KAZN: variants seen among roughly 807,000 people sequenced by gnomAD.
KAZN encodes the protein kazrin.
A neutral mutation model predicts 87.4 loss-of-function variants in KAZN; 40 were observed. The observed-to-expected ratio is 0.46, with a 90% CI of 0.36 to 0.60. The LOEUF is 0.60. KAZN is among the 20% of genes least tolerant of loss of function. The probability of loss-of-function intolerance (pLI) is 0.00; values close to 1 mark genes in which losing one functional copy is unlikely to be tolerated. For synonymous variants in KAZN, 466 were observed against 458.3 expected, an observed-to-expected ratio of 1.02 and a Z score of -0.22; for missense variants, 898 against 1,073.9, an observed-to-expected ratio of 0.84 and a Z score of 2.29.
At chr1:14,228,977 T>C (rs1217910009) in intron 2 of KAZN, among the ~76,000 whole-genome samples, 1 of 152,206 alleles carries the variant, frequency 6.6e-6, no homozygotes, top group East Asian at 1.9e-4. Context: ...AGCCACACAG[T>C]GGCATGCTAA....
At chr1:14,863,863 A>G (rs576881978) in intron 1 of KAZN, among the ~76,000 whole-genome samples, 31 of 152,312 alleles carry the variant, frequency 2.0e-4, no homozygotes, top group Admixed American at 1.6e-3. Flanking sequence ...GCCAAGGCAC[A>G]GAGATCCAGA....
In KAZN at chr1:14,414,613, CGTGTGT is replaced by C. The variant is rs35972093; in HGVS notation, c.250-184359_250-184354del. Among the ~76,000 whole-genome samples the C allele has an allele frequency of 1.3e-5, 2 of 150,806 alleles. 1 individual carries two copies. Among genetic ancestry groups the C allele is most frequent in the African/African-American group, 4.9e-5 (2 of 41,090 alleles). On this transcript the variant is annotated intron_variant, in intron 2 of 16. Coordinates refer to the KAZN transcript ENST00000636203. ...GTAAAACAATCTTGCATGCACATAC[CGTGTGT>C]GTGTGTGTGTATGTGTGTGTGTGTT...
At chr1:14,832,037 T>C (rs1314598515) in intron 1 of KAZN, among the ~76,000 whole-genome samples, 1 of 151,464 alleles carries the variant, frequency 6.6e-6, no homozygotes, top group Non-Finnish European at 1.5e-5. Context: ...TCTATAAAAG[T>C]ACAAAAAAAT....
intron 2 of KAZN, among the ~76,000 whole-genome samples, chr1:14,377,360 C>T (rs1308111610): frequency 6.6e-6 from 1 of 152,204 alleles, no homozygotes; most frequent in Non-Finnish European, 1.5e-5. Context: ...GGGGCCACCA[C>T]ATCAGTGGAA....
intron 2 of KAZN, among the ~76,000 whole-genome samples, chr1:14,205,543 A>AT (rs1293125537): frequency 6.6e-6 from 1 of 152,068 alleles, no homozygotes; most frequent in Non-Finnish European, 1.5e-5. Flanking sequence ...TGAAAACAGG[A>AT]TTTTCTGTAT....
intron 2 of KAZN, among the ~76,000 whole-genome samples, chr1:14,513,226 T>A (rs1391480037): frequency 1.3e-5 from 2 of 152,170 alleles, no homozygotes; most frequent in Admixed American, 6.5e-5. Context: ...TCAGGCGTGG[T>A]ATAACTTATT....
intron 1 of KAZN, among the ~76,000 whole-genome samples, chr1:13,989,695 A>G (rs1387983359): frequency 6.6e-6 from 1 of 152,154 alleles, no homozygotes; most frequent in Non-Finnish European, 1.5e-5. Flanking sequence ...CTTACATTCT[A>G]TTTGGGAAGG....
chr1:14,563,457 A>G (rs976114028), intron 2 of KAZN, among the ~76,000 whole-genome samples: 2 of 152,216 alleles, frequency 1.3e-5, no homozygotes, highest in African/African-American at 2.4e-5. Context: ...ACATGCTTCT[A>G]TCATGGTCTG....
chr1:14,797,113 T>G lies in KAZN; in HGVS notation c.227-163571T>G, dbSNP rs569281913. Reference sequence around the variant, plus strand: ...TTTGCTCTCGTTGCCCAGGTTGGAGTGCAGTGGCATGATCTCGGCTCACTG... The same window carrying G: ...TTTGCTCTCGTTGCCCAGGTTGGAGGGCAGTGGCATGATCTCGGCTCACTG... On this transcript the variant is annotated intron_variant, in intron 1 of 14. Transcript: ENST00000376030. Among the ~76,000 whole-genome samples, 123 of 152,258 alleles carry G rather than the reference T, an allele frequency of 8.1e-4. 3 individuals carry two copies. The highest frequency in any genetic ancestry group is 3.5e-3 in the Admixed American group (54 of 15,308).
intron 2 of KAZN, among the ~76,000 whole-genome samples, chr1:14,384,448 G>A (rs1661675623): frequency 6.6e-6 from 1 of 152,040 alleles, no homozygotes; most frequent in Non-Finnish European, 1.5e-5. Flanking sequence ...TATTGGCTGT[G>A]GGTTTGTCAT....
At chr1:14,278,019 G>A (rs1652522362) in intron 2 of KAZN, among the ~76,000 whole-genome samples, 1 of 151,354 alleles carries the variant, frequency 6.6e-6, no homozygotes, top group African/African-American at 2.4e-5. Flanking sequence ...GGTCTCATCA[G>A]GGTCATGTGG....
chr1:14,941,317 T>C (rs1661046143), intron 1 of KAZN, among the ~76,000 whole-genome samples: 1 of 152,116 alleles, frequency 6.6e-6, no homozygotes, highest in Admixed American at 6.5e-5. Flanking sequence ...CATATTCCTT[T>C]TGGGGTCCAT....
chr1:14,102,807 G>A (rs11588688), intron 1 of KAZN, among the ~76,000 whole-genome samples: 43,593 of 151,882 alleles, frequency 0.29, 6,655 homozygotes, highest in East Asian at 0.56. Context: ...TGGAGGCCAG[G>A]CGTCTGAGAT....
intron 1 of KAZN, among the ~76,000 whole-genome samples, chr1:14,626,945 G>A (rs186807483): frequency 1.3e-5 from 2 of 152,218 alleles, no homozygotes; most frequent in East Asian, 1.9e-4. Context: ...TGCTCCTACT[G>A]TGTGCCCCTT....
At chr1:14,858,218 T>C (rs1572663924) in intron 1 of KAZN, among the ~76,000 whole-genome samples, 1 of 135,874 alleles carries the variant, frequency 7.4e-6, no homozygotes. Flanking sequence ...TCTTTTCTTT[T>C]TTTTTTTTTT....
intron 2 of KAZN, among the ~76,000 whole-genome samples, chr1:14,541,455 A>G (rs1672806093): frequency 6.6e-6 from 1 of 152,190 alleles, no homozygotes; most frequent in Non-Finnish European, 1.5e-5. Context: ...GTGAAGGTGA[A>G]TCTTGAGCTT....
chr1:14,083,855 A>C (rs1465449032), intron 1 of KAZN, among the ~76,000 whole-genome samples: 1 of 152,238 alleles, frequency 6.6e-6, no homozygotes, highest in Admixed American at 6.5e-5. Flanking sequence ...TCATGAAATC[A>C]GTTAATCCTC....
chr1:14,263,052 G>A (rs1651204351), intron 2 of KAZN, among the ~76,000 whole-genome samples: 1 of 152,166 alleles, frequency 6.6e-6, no homozygotes, highest in Non-Finnish European at 1.5e-5. Context: ...TTCAAGAACT[G>A]TTGATGACTA....
At chr1:13,936,618 A>G (rs773480086) in intron 1 of KAZN, among the ~76,000 whole-genome samples, 11 of 152,348 alleles carry the variant, frequency 7.2e-5, no homozygotes, top group Non-Finnish European at 1.3e-4. Context: ...AAGTGAGAAC[A>G]TGCACTATTT....
Sources: gnomAD v4.1 joint callset for allele counts (sites outside exome capture counted in the v4.1 genomes callset) on GRCh38, gnomAD v4.1.1 for gene constraint, MANE v1.5 for transcripts, NCBI Gene and HGNC (gene_info 2026-07-23, HGNC 2026-07-21) for gene names.